The following DHX40 variants were observed in gnomAD, a reference collection of about 807,000 sequenced individuals.
DHX40 encodes the protein probable ATP-dependent RNA helicase DHX40.
DHX40 carries 28 observed loss-of-function variants against 89.6 expected under a neutral mutation model. That is an observed-to-expected ratio of 0.31 (90% confidence interval 0.23 to 0.43). DHX40 has a LOEUF of 0.43. DHX40 is among the 20% of genes least tolerant of loss of function. The pLI, the probability that DHX40 is intolerant of heterozygous loss-of-function variation, is 1.00. For missense variants in DHX40, 457 were observed against 844.0 expected, an observed-to-expected ratio of 0.54 and a Z score of 5.68; for synonymous variants, 226 against 283.6, an observed-to-expected ratio of 0.80 and a Z score of 2.04.
chr17:59,576,994 C>T (rs2048892524), intron 7 of DHX40: 1 of 384,094 alleles, frequency 2.6e-6, no homozygotes, highest in Middle Eastern at 8.5e-4. Context: ...CTCAGCCTCC[C>T]GAGTAGCTGG....
At chr17:59,573,275 T>C (rs753241779) in intron 4 of DHX40, 40 bp downstream of exon 4, 3 of 1,550,070 alleles carry the variant, frequency 1.9e-6, no homozygotes, top group Non-Finnish European at 2.6e-6. Context: ...TATTAGCAAG[T>C]AGTTTGTTTG....
intron 12 of DHX40, among the ~76,000 whole-genome samples, chr17:59,589,860 A>C (rs1166758774): frequency 4.1e-5 from 6 of 148,046 alleles, no homozygotes; most frequent in Non-Finnish European, 9.0e-5. Flanking sequence ...AGCTGGGATT[A>C]CAGGCATGGG....
chr17:59,570,975 TGTTC>T (rs2048799102), intron 3 of DHX40, among the ~76,000 whole-genome samples: 1 of 152,254 alleles, frequency 6.6e-6, no homozygotes, highest in African/African-American at 2.4e-5. Context: ...AAGTGTCTGA[TGTTC>T]ATCCCATTTT....
At chr17:59,573,677 T>C in intron 4 of DHX40, 63 bp from the exon 5 acceptor site, 2 of 1,505,766 alleles carry the variant, frequency 1.3e-6, no homozygotes, top group Non-Finnish European at 1.8e-6. Context: ...AATAGCAGTG[T>C]ATCTAAAATA....
chr17:59,591,891 G>C (rs1351776601), intron 12 of DHX40, among the ~76,000 whole-genome samples: 6 of 151,806 alleles, frequency 4.0e-5, no homozygotes, highest in Non-Finnish European at 5.9e-5. Context: ...TTGTTTGAGA[G>C]AGAGTCTCAC....
chr17:59,578,081 A>C (rs1388116005), intron 8 of DHX40, among the ~76,000 whole-genome samples: 1 of 152,092 alleles, frequency 6.6e-6, no homozygotes, highest in Non-Finnish European at 1.5e-5. Flanking sequence ...GGAAACACTA[A>C]GAAATTTTAA....
intron 17 of DHX40, among the ~76,000 whole-genome samples, chr17:59,606,618 C>T (rs1021593476): frequency 1.3e-5 from 2 of 151,842 alleles, no homozygotes; most frequent in Non-Finnish European, 2.9e-5. Context: ...TGGTGGCGGG[C>T]GCCTGTAGTC....
rs1194235657 is a variant in DHX40, at chr17:59,570,668, A to G, written c.426+5A>G. On this transcript the variant is annotated splice_donor_5th_base_variant and intron_variant, in intron 3 of 17. Coordinates refer to ENST00000251241, the MANE Select transcript of DHX40 (RefSeq NM_024612.5). ...TTTGATGATTGCAGTTCTAAGGTACAAAAGTCTTGTTGGTATTTGTTTCTT... is the reference window on the plus strand; with the variant it reads ...TTTGATGATTGCAGTTCTAAGGTACGAAAGTCTTGTTGGTATTTGTTTCTT... 6.2e-7 allele frequency: 1 copy of G among 1,603,534 alleles called. No homozygotes were observed. Among genetic ancestry groups the G allele is most frequent in the African/African-American group, 1.3e-5 (1 of 74,144 alleles).
chr17:59,589,158 A>G (rs1414357794), intron 12 of DHX40, among the ~76,000 whole-genome samples: 1 of 149,618 alleles, frequency 6.7e-6, no homozygotes, highest in Non-Finnish European at 1.5e-5. Context: ...TCTTTTTCAT[A>G]TAAACTTTAG....
At chr17:59,601,574 A>G (rs2030529805) in intron 14 of DHX40, among the ~76,000 whole-genome samples, 2 of 152,156 alleles carry the variant, frequency 1.3e-5, no homozygotes, top group African/African-American at 4.8e-5. Context: ...CTTTTTGAAC[A>G]TATGTAATCC....
At chr17:59,602,651 A>G (rs1479423892) in intron 15 of DHX40, 35 bp downstream of exon 15, 1 of 1,509,674 alleles carries the variant, frequency 6.6e-7, no homozygotes, top group Admixed American at 1.7e-5. Flanking sequence ...GGATCAAGAT[A>G]TAATACTGTA....
At chr17:59,606,586 T>A (rs1397864939) in intron 17 of DHX40, among the ~76,000 whole-genome samples, 1 of 151,554 alleles carries the variant, frequency 6.6e-6, no homozygotes, top group Non-Finnish European at 1.5e-5. Flanking sequence ...CTCTACTAAA[T>A]ATACAAAAAA....
At chr17:59,576,649 T>TA (rs200871875) in intron 7 of DHX40, among the ~76,000 whole-genome samples, 2,459 of 152,290 alleles carry the variant, frequency 0.016, 57 homozygotes, top group African/African-American at 0.055. Context: ...GGGAAATTCT[T>TA]AGGATCATTG....
chr17:59,588,243 C>CAAAA (rs2049029608), intron 12 of DHX40, among the ~76,000 whole-genome samples, 190 bp downstream of exon 12: 5 of 138,288 alleles, frequency 3.6e-5, no homozygotes, highest in African/African-American at 1.5e-4. Flanking sequence ...AAAAAAAAAC[C>CAAAA]AAAAACAAAA....
chr17:59,570,435 T>G, intron 2 of DHX40, 83 bp from the exon 3 acceptor site: 1 of 1,422,404 alleles, frequency 7.0e-7, no homozygotes, highest in Non-Finnish European at 9.4e-7. Context: ...AGCAGTTTTG[T>G]GTTGATTGGC....
chr17:59,577,760 C>G (rs2048905702), intron 8 of DHX40, among the ~76,000 whole-genome samples: 1 of 152,128 alleles, frequency 6.6e-6, no homozygotes, highest in Non-Finnish European at 1.5e-5. Flanking sequence ...GCTGTTCACA[C>G]TTTTTAACTA....
Position 59,574,212 on chromosome 17 carries a change from C to T in DHX40, c.799C>T (p.His267Tyr). 1.9e-6 allele frequency: 1 copy of T among 522,254 alleles called. No individual in the cohort carries two copies. The highest frequency in any genetic ancestry group is 3.3e-6 in the Non-Finnish European group (1 of 305,626). The allele number at this position is 522,254 out of a possible 1,614,324, so 32.4% of individuals were successfully genotyped here. A position where few individuals can be genotyped will look rare whatever the true frequency, so the allele number is the denominator to read the frequency against. Residue 267 changes from histidine (H) to tyrosine (Y), a missense_variant, in exon 6 of 18, where the codon CAT (histidine) becomes TAT (tyrosine). Around this residue, in one of 9 missense-constraint regions of DHX40, gnomAD observed 116 missense variants for 188.9 expected, o/e 0.61. Transcript: ENST00000251241. ...GATTGTGAAAGTCACCATGGATATC[C>T]ATTTGAATGAAATGGCTGGAGACAT... ...QAIVKVTMDI[H>Y]LNEMAGDILV...
Position 59,581,785 on chromosome 17 carries a change from G to GC in DHX40, c.1343+1907dup, listed in dbSNP as rs1486220625. On this transcript the variant is annotated intron_variant, in intron 10 of 17. Transcript: ENST00000251241. The stretch of plus-strand genomic sequence containing the variant: ...CAAAAAAAAAAAAAAACCAAAAAAA[G>GC]CAAAAAAAAACCCCAAAACCCACAA... Among the ~76,000 whole-genome samples, 2 of 114,014 alleles carry GC rather than the reference G, an allele frequency of 1.8e-5. 1 individual carries two copies. Among genetic ancestry groups the GC allele is most frequent in the Admixed American group, 1.8e-4 (2 of 11,336 alleles). The allele number at this position is 114,014 out of a possible 152,430, so 74.8% of individuals were successfully genotyped here.
intron 17 of DHX40, 151 bp from the exon 18 acceptor site, chr17:59,606,882 C>G (rs950427639): frequency 4.2e-6 from 3 of 713,010 alleles, no homozygotes; most frequent in Non-Finnish European, 6.8e-6. Context: ...TAACCATAGA[C>G]TACATTGCTT....
Sources: allele counts gnomAD v4.1 joint callset (sites outside exome capture counted in the v4.1 genomes callset), GRCh38; gene constraint gnomAD v4.1.1; regional missense constraint gnomAD v4.1.1; transcripts MANE v1.5; gene names NCBI Gene and HGNC (gene_info 2026-07-23, HGNC 2026-07-21).